Variants in SYK observed in about 807,000 individuals in gnomAD.
The protein encoded by SYK is spleen associated tyrosine kinase, also known as tyrosine-protein kinase SYK.
A neutral mutation model predicts 77.8 loss-of-function variants in SYK; 16 were observed. The observed-to-expected ratio is 0.21, with a 90% CI of 0.14 to 0.31. SYK has a LOEUF of 0.31. Among genes scored for constraint, SYK ranks in the 10% least tolerant of loss-of-function variants. SYK has a pLI of 1.00. For missense variants in SYK, 529 were observed against 814.4 expected, an observed-to-expected ratio of 0.65 and a Z score of 4.26; for synonymous variants, 312 against 308.7, an observed-to-expected ratio of 1.01 and a Z score of -0.11.
At chr9:90,842,363 C>G (rs541520778) in intron 1 of SYK, among the ~76,000 whole-genome samples, 2 of 144,410 alleles carry the variant, frequency 1.4e-5, no homozygotes, top group African/African-American at 5.2e-5. Context: ...GTGTGGTGTA[C>G]CGTATGTGAT....
chr9:90,804,025 A>T (rs1237208306), intron 1 of SYK, among the ~76,000 whole-genome samples: 1 of 152,188 alleles, frequency 6.6e-6, no homozygotes, highest in Non-Finnish European at 1.5e-5. Flanking sequence ...CCAAAAAAAA[A>T]AAAAGTGTTG....
At chr9:90,886,905 A>C (rs904682529) in intron 11 of SYK, among the ~76,000 whole-genome samples, 3 of 152,148 alleles carry the variant, frequency 2.0e-5, no homozygotes, top group Admixed American at 6.5e-5. Context: ...TGAATGGATA[A>C]AGAAAATGTG....
chr9:90,884,188 CACACATACACAT>C (rs1828285125), intron 11 of SYK, among the ~76,000 whole-genome samples: 6 of 107,034 alleles, frequency 5.6e-5, no homozygotes, highest in Non-Finnish European at 6.3e-5. Context: ...TGTATATATA[CACACATACACAT>C]ACGTGTATAT....
rs1346446411 is a variant in SYK at position 90,895,139 on chromosome 9, AC to A, written c.1836-387del. On this transcript the variant is annotated intron_variant, in intron 13 of 13. Transcript: ENST00000375754. The surrounding 1 kb of genome is among the most constrained non-coding windows in gnomAD (Gnocchi z 4.4). ...GAACATTTGCCAAGTATTTTCAGAC[AC>A]CTGTTTTGCTAAAATCACAGAGTGA... 6.6e-6 allele frequency among the ~76,000 whole-genome samples: 1 copy of A among 152,186 alleles called. No homozygotes were observed. The highest frequency in any genetic ancestry group is 1.5e-5 in the Non-Finnish European group (1 of 68,030).
In SYK at chr9:90,809,420, C is replaced by T. The variant is rs1036958643; in HGVS notation, c.-42+7527C>T. ...ATCCCTATCCACTACTCTAATAAGG[C>T]GTAAAAGAGGATCTGCTGTCCTGCC... On this transcript the variant is annotated intron_variant, in intron 1 of 13. Coordinates refer to ENST00000375754, the MANE Select transcript of SYK (RefSeq NM_003177.7). Among the ~76,000 whole-genome samples, 6 of 152,222 alleles carry T rather than the reference C, an allele frequency of 3.9e-5. No individual in the cohort carries two copies. In the East Asian group the frequency reaches 7.7e-4, roughly 20 times the overall value.
chr9:90,828,811 C>T (rs576601967), intron 1 of SYK, among the ~76,000 whole-genome samples: 16 of 152,218 alleles, frequency 1.1e-4, no homozygotes, highest in African/African-American at 2.2e-4. Flanking sequence ...CAGCCTGGCC[C>T]GGTCACCAGC....
At chr9:90,808,175 C>G (rs1198416854) in intron 1 of SYK, among the ~76,000 whole-genome samples, 1 of 152,122 alleles carries the variant, frequency 6.6e-6, no homozygotes, top group Non-Finnish European at 1.5e-5. Flanking sequence ...TCAGGTTAAT[C>G]TTTATCTCAA....
intron 1 of SYK, among the ~76,000 whole-genome samples, chr9:90,823,661 A>G (rs907282191): frequency 3.3e-5 from 5 of 152,180 alleles, no homozygotes; most frequent in Admixed American, 3.3e-4. Context: ...TGTTTCCAAG[A>G]AGAAGTCTCC....
chr9:90,811,886 ACTG>A (rs926166507), intron 1 of SYK, among the ~76,000 whole-genome samples: 1 of 150,522 alleles, frequency 6.6e-6, no homozygotes, highest in African/African-American at 2.4e-5. Flanking sequence ...AGATCATGCC[ACTG>A]CACACCAGCC....
At chr9:90,842,747 G>A (rs1025770738) in intron 1 of SYK, among the ~76,000 whole-genome samples, 13 of 140,228 alleles carry the variant, frequency 9.3e-5, no homozygotes, top group African/African-American at 3.6e-4. Flanking sequence ...GTGTGCATGT[G>A]GTATGGAGAG....
intron 1 of SYK, among the ~76,000 whole-genome samples, chr9:90,806,002 C>A (rs1824822008): frequency 6.6e-6 from 1 of 152,234 alleles, no homozygotes. Flanking sequence ...GATAATTATT[C>A]TCTCATTTGA....
chr9:90,819,996 G>C (rs1266199183), intron 1 of SYK, among the ~76,000 whole-genome samples: 1 of 152,154 alleles, frequency 6.6e-6, no homozygotes, highest in East Asian at 1.9e-4. Context: ...GAGGTTACAG[G>C]GCCAATGCAA....
At chr9:90,862,761 C>T (rs1006200219) in intron 4 of SYK, among the ~76,000 whole-genome samples, 3 of 152,196 alleles carry the variant, frequency 2.0e-5, no homozygotes. Flanking sequence ...GAGCCCAGAA[C>T]AGCCTTTCAG....
At chr9:90,878,733 T>C (rs1216499043) in intron 10 of SYK, 31 bp from the exon 11 acceptor site, 1 of 1,580,932 alleles carries the variant, frequency 6.3e-7, no homozygotes. Context: ...TCACTGTCTG[T>C]TATAGCTGAT....
intron 3 of SYK, among the ~76,000 whole-genome samples, chr9:90,853,396 A>T (rs1310710297): frequency 6.6e-6 from 1 of 151,766 alleles, no homozygotes; most frequent in African/African-American, 2.4e-5. Flanking sequence ...ACTATAAATC[A>T]TGCTGCTATA....
intron 1 of SYK, among the ~76,000 whole-genome samples, chr9:90,840,073 G>A (rs1826236913): frequency 6.6e-6 from 1 of 152,158 alleles, no homozygotes; most frequent in African/African-American, 2.4e-5. Context: ...GTTACGCCAA[G>A]CAGTGGTCAT....
intron 7 of SYK, among the ~76,000 whole-genome samples, chr9:90,867,623 T>G (rs1313669674): frequency 1.3e-5 from 2 of 152,208 alleles, no homozygotes; most frequent in Non-Finnish European, 2.9e-5. Flanking sequence ...CAAGGTTTTG[T>G]GAGGCGCGCT....
At chr9:90,892,312 C>T (rs1243170033) in intron 13 of SYK, among the ~76,000 whole-genome samples, 1 of 152,156 alleles carries the variant, frequency 6.6e-6, no homozygotes, top group Non-Finnish European at 1.5e-5. Flanking sequence ...TACTCAGGCC[C>T]ATTGCAGCTC....
chr9:90,836,544 G>T (rs1329017240), intron 1 of SYK, among the ~76,000 whole-genome samples: 1 of 152,080 alleles, frequency 6.6e-6, no homozygotes, highest in African/African-American at 2.4e-5. Flanking sequence ...TAATTTCATA[G>T]CCACTTCCTG....
Sources: allele counts gnomAD v4.1 joint callset (sites outside exome capture counted in the v4.1 genomes callset), GRCh38; gene constraint gnomAD v4.1.1; non-coding constraint Gnocchi (gnomAD v3.1); transcripts MANE v1.5; gene names NCBI Gene and HGNC (gene_info 2026-07-23, HGNC 2026-07-21).